The following SLC6A11 variants were observed in gnomAD, a reference collection of about 807,000 sequenced individuals.
The protein encoded by SLC6A11 is solute carrier family 6 member 11.
Under a neutral mutation model 74.8 loss-of-function variants are expected in SLC6A11, and 25 were observed. The observed-to-expected ratio is 0.33, with a 90% confidence interval of 0.24 to 0.47. SLC6A11 has a LOEUF of 0.47. SLC6A11 is among the 20% of genes least tolerant of loss of function. The pLI, the probability that SLC6A11 is intolerant of heterozygous loss-of-function variation, is 1.00. For missense variants in SLC6A11, 574 were observed against 837.0 expected (o/e 0.69, Z 3.88); for synonymous variants, 330 against 330.2 (o/e 1.00, Z 0.01).
intron 8 of SLC6A11, among the ~76,000 whole-genome samples, chr3:10,922,080 G>A (rs1303743537): frequency 6.6e-6 from 1 of 152,144 alleles, no homozygotes; most frequent in East Asian, 1.9e-4. Flanking sequence ...TATATGAAAT[G>A]TCAATAAAGA....
At chr3:10,916,862 C>T (rs1695462993) in intron 7 of SLC6A11, among the ~76,000 whole-genome samples, 1 of 152,182 alleles carries the variant, frequency 6.6e-6, no homozygotes, top group East Asian at 1.9e-4. Context: ...GAATTGGAAC[C>T]CAAGGCTCTC....
intron 4 of SLC6A11, among the ~76,000 whole-genome samples, chr3:10,835,272 C>G (rs1694351913): frequency 6.6e-6 from 1 of 152,140 alleles, no homozygotes; most frequent in South Asian, 2.1e-4. Flanking sequence ...TGCTTGAGTC[C>G]TGGGAGGAGG....
At chr3:10,933,029 C>G in intron 10 of SLC6A11, 122 bp from the exon 11 acceptor site, 1 of 714,810 alleles carries the variant, frequency 1.4e-6, no homozygotes, top group Non-Finnish European at 2.5e-6. Context: ...TAGGGAGAAA[C>G]AGATTCCTGG....
At chr3:10,854,867 C>G (rs1306804335) in intron 5 of SLC6A11, among the ~76,000 whole-genome samples, 3 of 152,116 alleles carry the variant, frequency 2.0e-5, no homozygotes, top group Admixed American at 6.6e-5. Context: ...AAAATAAGCT[C>G]CCGAAGGACA....
intron 8 of SLC6A11, among the ~76,000 whole-genome samples, chr3:10,921,710 A>T (rs575379189): frequency 7.2e-5 from 11 of 152,174 alleles, no homozygotes; most frequent in South Asian, 2.1e-4. Flanking sequence ...GATTTTTTTT[A>T]AAAAAAGACC....
chr3:10,817,303 G>A (rs1166712868), intron 1 of SLC6A11, among the ~76,000 whole-genome samples: 1 of 152,190 alleles, frequency 6.6e-6, no homozygotes, highest in African/African-American at 2.4e-5. Flanking sequence ...TTGATGCTCT[G>A]CATAGAGATG....
chr3:10,882,166 C>T (rs1694989104), intron 6 of SLC6A11, among the ~76,000 whole-genome samples: 1 of 152,286 alleles, frequency 6.6e-6, no homozygotes, highest in Admixed American at 6.5e-5. Context: ...AGCCAGGAAA[C>T]CTGAGGGCTG....
intron 3 of SLC6A11, among the ~76,000 whole-genome samples, chr3:10,822,311 G>A (rs550431845): frequency 3.3e-5 from 5 of 152,350 alleles, no homozygotes; most frequent in African/African-American, 1.2e-4. Context: ...CCCTTGGGGA[G>A]CTCATGGTCT....
chr3:10,853,418 T>A (rs1380344915), intron 5 of SLC6A11, among the ~76,000 whole-genome samples: 1 of 152,206 alleles, frequency 6.6e-6, no homozygotes, highest in Non-Finnish European at 1.5e-5. Flanking sequence ...GCAGTCGGGA[T>A]TGATGTGGAG....
At position 10,819,723 on chromosome 3, in the gene SLC6A11, G is replaced by T; in HGVS notation, c.403G>T (p.Ala135Ser). The change falls in exon 3 of 14, where the codon GCA becomes TCA. Residue 135 changes from alanine (A) to serine (S), a missense_variant. By Grantham distance (99) the Ala-to-Ser change is moderately conservative. Around this residue, in one of 4 missense-constraint regions of SLC6A11, gnomAD observed 215 missense variants for 357.9 expected, o/e 0.60. Transcript: ENST00000254488. ...TTTTGTCCTTTCAGGCATTGGCTAT[G>T]CAACACAGGTGATTGAGGCCCATCT... ...VCPLFEGIGY[A>S]TQVIEAHLNV... 2 of 1,614,138 alleles carry T rather than the reference G, an allele frequency of 1.2e-6. No individual in the cohort carries two copies. The highest frequency in any genetic ancestry group is 1.7e-6 in the Non-Finnish European group (2 of 1,180,018).
chr3:10,900,874 T>G (rs998402755), intron 6 of SLC6A11, among the ~76,000 whole-genome samples: 4 of 152,182 alleles, frequency 2.6e-5, no homozygotes, highest in African/African-American at 9.6e-5. Context: ...TGACTCCCCC[T>G]GCCTCAGTGG....
intron 5 of SLC6A11, among the ~76,000 whole-genome samples, chr3:10,848,750 T>C (rs1218059525): frequency 1.3e-5 from 2 of 152,186 alleles, no homozygotes; most frequent in East Asian, 3.8e-4. Flanking sequence ...AGCTCCAGCA[T>C]TAAAAAATAC....
chr3:10,819,694 T>A lies in SLC6A11; in HGVS notation c.392-18T>A, dbSNP rs199917641. The A allele has an allele frequency of 1.5e-3, 2,454 of 1,612,556 alleles. 4 individuals carry two copies. The highest frequency in any genetic ancestry group is 2.0e-3 in the Non-Finnish European group (2,304 of 1,179,274). ...GAAAAGATAGACTCAAATTCCTTCC[T>A]TTCTTTTGTCCTTTCAGGCATTGGC... On this transcript the variant is annotated intron_variant, in intron 2 of 13. Coordinates refer to ENST00000254488, the MANE Select transcript of SLC6A11 (RefSeq NM_014229.3).
Position 10,934,438 on chromosome 3 carries a change from G to A in SLC6A11, c.1575+272G>A, listed in dbSNP as rs540574928. 9.9e-4 allele frequency among the ~76,000 whole-genome samples: 151 copies of A among 152,302 alleles called. 2 individuals are homozygous for A. The highest frequency in any genetic ancestry group is 3.4e-3 in the African/African-American group (143 of 41,566). ...CAGGTGCTGCATACGCAAATCGGGC[G>A]CTGGATCCGCCTCAGAGGGCCGAGG... On this transcript the variant is annotated intron_variant, in intron 12 of 13. Coordinates refer to ENST00000254488, the MANE Select transcript of SLC6A11 (RefSeq NM_014229.3).
At chr3:10,910,423 G>C (rs771098038) in intron 6 of SLC6A11, among the ~76,000 whole-genome samples, 1 of 152,092 alleles carries the variant, frequency 6.6e-6, no homozygotes, top group Non-Finnish European at 1.5e-5. Context: ...TGTGGCCTGC[G>C]TGCCCCCAGA....
chr3:10,853,145 G>A (rs148958293), intron 5 of SLC6A11, among the ~76,000 whole-genome samples: 4 of 152,190 alleles, frequency 2.6e-5, no homozygotes, highest in Admixed American at 6.5e-5. Context: ...TGATTGAGTC[G>A]GGTGAGCCTG....
At chr3:10,869,208 A>G (rs1180185419) in intron 5 of SLC6A11, among the ~76,000 whole-genome samples, 1 of 152,216 alleles carries the variant, frequency 6.6e-6, no homozygotes. Flanking sequence ...TTGCTGATGG[A>G]GAGCAGCTTT....
chr3:10,890,081 C>T (rs571416032), intron 6 of SLC6A11, among the ~76,000 whole-genome samples: 2 of 152,030 alleles, frequency 1.3e-5, no homozygotes, highest in African/African-American at 2.4e-5. Flanking sequence ...AGTCAGATTT[C>T]CCATGCTCGA....
chr3:10,896,702 T>C (rs1695175641), intron 6 of SLC6A11, among the ~76,000 whole-genome samples: 1 of 152,204 alleles, frequency 6.6e-6, no homozygotes, highest in South Asian at 2.1e-4. Context: ...CCTCATATGC[T>C]TTCTAGATTG....
Sources: gnomAD v4.1 joint callset for allele counts (sites outside exome capture counted in the v4.1 genomes callset) on GRCh38, gnomAD v4.1.1 for gene constraint, gnomAD v4.1.1 regional missense constraint, MANE v1.5 for transcripts, NCBI Gene and HGNC (gene_info 2026-07-23, HGNC 2026-07-21) for gene names.